KLF8: variants seen among roughly 807,000 people sequenced by gnomAD.
The protein encoded by KLF8 is Krueppel-like factor 8.
A neutral mutation model predicts 18.2 loss-of-function variants in KLF8; 10 were observed. The observed-to-expected ratio is 0.55, with a 90% CI of 0.34 to 0.93. The LOEUF (loss-of-function observed/expected upper bound fraction) is 0.93, where lower values mean the gene tolerates loss of function less well. Ranked by LOEUF, KLF8 falls within the 40% of genes least tolerant of loss-of-function variation. The pLI is 0.02. For missense variants in KLF8, 264 were observed against 277.9 expected, an observed-to-expected ratio of 0.95 and a Z score of 0.36; for synonymous variants, 109 against 97.3, an observed-to-expected ratio of 1.12 and a Z score of -0.71.
the KLF8 span, among the ~76,000 whole-genome samples, chrX:56,072,631 A>G: frequency 8.9e-6 from 1 of 112,261 alleles, no homozygotes; most frequent in Non-Finnish European, 1.9e-5. Context: ...AGACTTCTAA[A>G]TTGACTTTAT....
At chrX:56,235,662 C>T (rs1188884786) in intron 1 of KLF8, among the ~76,000 whole-genome samples, 1 of 110,675 alleles carries the variant, frequency 9.0e-6, no homozygotes, top group African/African-American at 3.3e-5. Context: ...GTGATCCATC[C>T]ACCTCAGCCT....
At chrX:56,151,213 T>C in the KLF8 span, among the ~76,000 whole-genome samples, 1 of 111,531 alleles carries the variant, frequency 9.0e-6, no homozygotes, top group Non-Finnish European at 1.9e-5. Flanking sequence ...TGGGTTTTCT[T>C]CTAAGAGTAA....
chrX:56,186,906 G>A, the KLF8 span, among the ~76,000 whole-genome samples: 1 of 111,950 alleles, frequency 8.9e-6, no homozygotes, highest in Non-Finnish European at 1.9e-5. Context: ...AGCACTAAAT[G>A]CCCACAAGAG....
the KLF8 span, among the ~76,000 whole-genome samples, chrX:55,975,989 A>T: frequency 9.0e-6 from 1 of 110,999 alleles, no homozygotes; most frequent in Non-Finnish European, 1.9e-5. Context: ...CATGCCTGTA[A>T]TCCCAGCTAC....
chrX:56,011,298 G>T, the KLF8 span, among the ~76,000 whole-genome samples: 1 of 112,139 alleles, frequency 8.9e-6, no homozygotes, highest in Non-Finnish European at 1.9e-5. Flanking sequence ...AATCAAATTA[G>T]CACTCAAGAT....
chrX:56,089,909 G>A, the KLF8 span, among the ~76,000 whole-genome samples: 2 of 112,210 alleles, frequency 1.8e-5, no homozygotes, highest in African/African-American at 6.5e-5. Context: ...GGAAAAATAA[G>A]TATGCTGAAA....
the KLF8 span, among the ~76,000 whole-genome samples, chrX:55,937,155 G>A: frequency 9.0e-6 from 1 of 110,511 alleles, no homozygotes; most frequent in African/African-American, 3.3e-5. Flanking sequence ...TCACACGGCC[G>A]GGTACTCCTC....
At chrX:56,134,372 A>G in the KLF8 span, among the ~76,000 whole-genome samples, 1 of 111,796 alleles carries the variant, frequency 8.9e-6, no homozygotes, top group African/African-American at 3.2e-5. Flanking sequence ...AAATACTTAC[A>G]GCCAACTGAT....
the KLF8 span, among the ~76,000 whole-genome samples, chrX:56,133,345 G>A: frequency 8.9e-6 from 1 of 112,236 alleles, no homozygotes; most frequent in Non-Finnish European, 1.9e-5. Flanking sequence ...TTCCAGGGAT[G>A]CAGGGATGGT....
intron 2 of KLF8, among the ~76,000 whole-genome samples, chrX:56,257,858 C>A (rs747492641): frequency 8.9e-6 from 1 of 112,309 alleles, no homozygotes; most frequent in South Asian, 3.7e-4. Flanking sequence ...GATTTATTTT[C>A]TTTTGTATAT....
chrX:56,076,772 T>C, the KLF8 span, among the ~76,000 whole-genome samples: 1 of 111,698 alleles, frequency 9.0e-6, no homozygotes, highest in Non-Finnish European at 1.9e-5. Flanking sequence ...GTAAAAGTGT[T>C]CCTATTTCTC....
At chrX:56,096,698 G>C in the KLF8 span, among the ~76,000 whole-genome samples, 1 of 110,595 alleles carries the variant, frequency 9.0e-6, no homozygotes, top group Non-Finnish European at 1.9e-5. Flanking sequence ...AAACAATAGG[G>C]AATATCAACA....
the KLF8 span, among the ~76,000 whole-genome samples, chrX:56,023,284 G>A: frequency 5.4e-5 from 6 of 111,799 alleles, no homozygotes; most frequent in East Asian, 8.3e-4. Context: ...AAAACAAACA[G>A]CAAAATGATA....
At chrX:56,102,995 C>T in the KLF8 span, among the ~76,000 whole-genome samples, 2 of 104,008 alleles carry the variant, frequency 1.9e-5, no homozygotes, top group Non-Finnish European at 3.9e-5. Flanking sequence ...TGGTGATCAA[C>T]TCAATCTCTA....
At chrX:56,181,375 T>C in the KLF8 span, among the ~76,000 whole-genome samples, 1 of 111,632 alleles carries the variant, frequency 9.0e-6, no homozygotes, top group South Asian at 3.8e-4. Context: ...CTGAGATGGG[T>C]CTCCTGAATA....
intron 2 of KLF8, among the ~76,000 whole-genome samples, chrX:56,260,157 A>G (rs2066864492): frequency 1.8e-5 from 2 of 111,377 alleles, no homozygotes; most frequent in Non-Finnish European, 3.8e-5. Flanking sequence ...TGTCTCTTAT[A>G]AGGACACTAG....
the KLF8 span, among the ~76,000 whole-genome samples, chrX:56,173,258 T>A: frequency 8.9e-6 from 1 of 112,070 alleles, no homozygotes; most frequent in African/African-American, 3.2e-5. Flanking sequence ...CTTTAATCCA[T>A]CTTGAATTAA....
the KLF8 span, among the ~76,000 whole-genome samples, chrX:56,080,422 G>T: frequency 9.0e-6 from 1 of 110,650 alleles, no homozygotes; most frequent in African/African-American, 3.3e-5. Flanking sequence ...TAGTTTGGCT[G>T]GATATGAAAT....
chrX:55,933,886 G>A, the KLF8 span, among the ~76,000 whole-genome samples: 3 of 111,916 alleles, frequency 2.7e-5, no homozygotes, highest in Admixed American at 9.5e-5. Context: ...TGGAGAACTC[G>A]AGTGACATTT....
Sources: allele counts gnomAD v4.1 joint callset (sites outside exome capture counted in the v4.1 genomes callset), GRCh38; gene constraint gnomAD v4.1.1; transcripts MANE v1.5; gene names NCBI Gene and HGNC (gene_info 2026-07-23, HGNC 2026-07-21).